CYP4F12: variants seen among roughly 807,000 people sequenced by gnomAD.
The protein encoded by CYP4F12 is cytochrome P450 4F12.
CYP4F12 carries 60 observed loss-of-function variants against 56.5 expected under a neutral mutation model. The observed-to-expected ratio is 1.06, with a 90% CI of 0.86 to 1.32. CYP4F12 has a LOEUF of 1.32. Ranked by LOEUF, CYP4F12 falls within the 40% of genes most tolerant of loss-of-function variation. The probability of loss-of-function intolerance (pLI) is 0.00; values close to 1 mark genes in which losing one functional copy is unlikely to be tolerated. For synonymous variants in CYP4F12, 263 were observed against 264.9 expected, an observed-to-expected ratio of 0.99 and a Z score of 0.07; for missense variants, 711 against 683.5, an observed-to-expected ratio of 1.04 and a Z score of -0.45.
intron 3 of CYP4F12, among the ~76,000 whole-genome samples, chr19:15,679,004 C>G (rs919408377): frequency 3.3e-5 from 5 of 152,202 alleles, no homozygotes; most frequent in Admixed American, 6.5e-5. Context: ...GTTTCCTGCT[C>G]TCCTCCTATG....
chr19:15,678,327 A>G lies in CYP4F12; in HGVS notation c.265A>G (p.Thr89Ala). Residue 89 changes from threonine (T) to alanine (A), a missense_variant, in exon 3 of 13, where the codon ACG (threonine) becomes GCG (alanine). Transcript: ENST00000550308. ...GTCGGCCACCTATTCCCAGGGCTTT[A>G]CGGTATGGCTGGGTCCCATCATCCC... ...QMSATYSQGFTVWLGPIIPFI... is the reference protein window; with the variant it reads ...QMSATYSQGFAVWLGPIIPFI... 1 of 1,614,172 alleles carries G rather than the reference A, an allele frequency of 6.2e-7. No individual in the cohort carries two copies.
intron 2 of CYP4F12, 55 bp downstream of exon 2, chr19:15,673,782 G>C (rs560793130): frequency 1.9e-6 from 3 of 1,594,062 alleles, no homozygotes; most frequent in South Asian, 2.2e-5. Context: ...ACTTCCAGAG[G>C]AGCAGGAATG....
chr19:15,675,344 C>G (rs1462955997), intron 2 of CYP4F12, among the ~76,000 whole-genome samples: 1 of 152,026 alleles, frequency 6.6e-6, no homozygotes. Context: ...AAGTGAGGCT[C>G]TCCTAGGTGG....
rs1181708688 is a variant in CYP4F12, at chr19:15,676,828, C to G, written c.199-1433C>G. ...CCACTCACTCATTCCTCTACCCACT[C>G]ACTCATTCCTCTCCTCACTCATTCC... On this transcript the variant is annotated intron_variant, in intron 2 of 12. Coordinates refer to ENST00000550308, the MANE Select transcript of CYP4F12 (RefSeq NM_023944.4). Among the ~76,000 whole-genome samples the G allele has an allele frequency of 1.2e-4, 2 of 16,726 alleles. 1 individual carries two copies. The highest frequency in any genetic ancestry group is 2.6e-4 in the Non-Finnish European group (2 of 7,786). The allele number at this position is 16,726 out of a possible 152,430, so 11.0% of individuals were successfully genotyped here. A position where few individuals can be genotyped will look rare whatever the true frequency, so the allele number is the denominator to read the frequency against.
chr19:15,682,894 C>T (rs777099014), intron 6 of CYP4F12, among the ~76,000 whole-genome samples: 1 of 152,172 alleles, frequency 6.6e-6, no homozygotes, highest in Non-Finnish European at 1.5e-5. Context: ...CCCACCACCA[C>T]GCCCAGCTAA....
At chr19:15,685,373 G>A (rs2007550376) in intron 9 of CYP4F12, among the ~76,000 whole-genome samples, 176 bp downstream of exon 9, 1 of 152,154 alleles carries the variant, frequency 6.6e-6, no homozygotes, top group African/African-American at 2.4e-5. Context: ...AAAGTTGCAG[G>A]CCTTTAGGAC....
intron 2 of CYP4F12, among the ~76,000 whole-genome samples, chr19:15,677,390 T>A (rs1227150187): frequency 3.7e-4 from 5 of 13,472 alleles, no homozygotes; most frequent in Admixed American, 1.3e-3. Context: ...CTGCTCACTC[T>A]CTCATTCCCC....
At chr19:15,678,511 C>A (rs1379090529) in intron 3 of CYP4F12, 106 bp downstream of exon 3, 2 of 1,408,956 alleles carry the variant, frequency 1.4e-6, no homozygotes, top group African/African-American at 1.4e-5. Flanking sequence ...TTGAGACTTC[C>A]TTCTCAATGT....
intron 9 of CYP4F12, among the ~76,000 whole-genome samples, chr19:15,694,186 C>G (rs1214974273): frequency 1.4e-5 from 2 of 144,134 alleles, no homozygotes; most frequent in Non-Finnish European, 3.1e-5. Context: ...CTTTTTGGTG[C>G]CATATGAACT....
intron 2 of CYP4F12, 135 bp downstream of exon 2, chr19:15,673,862 C>G: frequency 1.2e-6 from 1 of 835,908 alleles, no homozygotes; most frequent in East Asian, 2.6e-5. Context: ...AGATGGCTCA[C>G]TCATTCCTCT....
At chr19:15,693,843 T>C (rs920691750) in intron 9 of CYP4F12, among the ~76,000 whole-genome samples, 14 of 141,092 alleles carry the variant, frequency 9.9e-5, no homozygotes, top group Non-Finnish European at 2.2e-4. Flanking sequence ...AAGTCTTTAT[T>C]CCATCTTGAA....
Position 15,696,460 on chromosome 19 carries a change from A to T in CYP4F12, c.1345A>T (p.Asn449Tyr). ...VYDPFRFDPE[N>Y]SKGRSPLAFI... ...CGACCCCTTCCGCTTTGACCCAGAG[A>T]ACAGCAAGGGGAGGTCACCTCTGGC... Residue 449 changes from asparagine (N) to tyrosine (Y), a missense_variant, in exon 12 of 13, where the codon AAC becomes TAC. Physicochemically the swap from Asn to Tyr is moderately radical, Grantham distance 143. Coordinates refer to ENST00000550308, the MANE Select transcript of CYP4F12 (RefSeq NM_023944.4). The T allele has an allele frequency of 6.2e-7, 1 of 1,614,094 alleles. No individual in the cohort carries two copies. The highest frequency in any genetic ancestry group is 1.7e-5 in the Admixed American group (1 of 60,008).
intron 2 of CYP4F12, among the ~76,000 whole-genome samples, chr19:15,675,579 C>T (rs1462621158): frequency 2.6e-5 from 4 of 152,226 alleles, no homozygotes; most frequent in African/African-American, 9.6e-5. Context: ...TAGCAATCCC[C>T]AGATTGAAAT....
chr19:15,676,327 CTCTCCTCACTCACTCATTCT>C (rs2006918682), intron 2 of CYP4F12, among the ~76,000 whole-genome samples: 1 of 150,908 alleles, frequency 6.6e-6, no homozygotes, highest in Non-Finnish European at 1.5e-5. Context: ...TCACTCATTC[CTCTCCTCACTCACTCATTCT>C]AATACCAACT....
intron 12 of CYP4F12, 136 bp from the exon 13 acceptor site, chr19:15,696,772 C>T: frequency 8.0e-7 from 1 of 1,255,114 alleles, no homozygotes. Context: ...ACATGGGAGT[C>T]CCAGGCACGC....
chr19:15,676,287 C>T (rs1427630066), intron 2 of CYP4F12, among the ~76,000 whole-genome samples: 3 of 151,792 alleles, frequency 2.0e-5, no homozygotes, highest in Non-Finnish European at 4.4e-5. Context: ...TCACTCATTC[C>T]TCTCCTCACT....
At chr19:15,679,020 C>T (rs1265625183) in intron 3 of CYP4F12, among the ~76,000 whole-genome samples, 1 of 152,224 alleles carries the variant, frequency 6.6e-6, no homozygotes, top group Non-Finnish European at 1.5e-5. Flanking sequence ...CTATGGGCTT[C>T]AGGATTCTCC....
intron 5 of CYP4F12, 115 bp downstream of exon 5, chr19:15,680,634 C>T (rs769234053): frequency 1.8e-5 from 25 of 1,366,856 alleles, no homozygotes; most frequent in Non-Finnish European, 2.5e-5. Context: ...CTCTTCCTCT[C>T]TGAGCCTTGG....
chr19:15,696,857 G>A, intron 12 of CYP4F12, 51 bp from the exon 13 acceptor site: 1 of 1,560,230 alleles, frequency 6.4e-7, no homozygotes, highest in Non-Finnish European at 8.7e-7. Context: ...GGGTTGATGG[G>A]ACCCAAATGC....
Sources: allele counts gnomAD v4.1 joint callset (sites outside exome capture counted in the v4.1 genomes callset), GRCh38; gene constraint gnomAD v4.1.1; transcripts MANE v1.5; gene names NCBI Gene and HGNC (gene_info 2026-07-23, HGNC 2026-07-21).